The following PLCB4 variants were observed in gnomAD, a reference collection of about 807,000 sequenced individuals.
PLCB4 encodes the protein phospholipase C beta 4, also known as 1-phosphatidylinositol 4,5-bisphosphate phosphodiesterase beta-4.
In PLCB4, 77 loss-of-function variants were observed where a neutral mutation model predicts 178.8. The observed-to-expected ratio is 0.43, with a 90% CI of 0.36 to 0.52. The LOEUF (loss-of-function observed/expected upper bound fraction) is 0.52, where lower values mean the gene tolerates loss of function less well. PLCB4 is among the 20% of genes least tolerant of loss of function. The pLI is 0.00. For synonymous variants in PLCB4, 496 were observed against 490.8 expected, an observed-to-expected ratio of 1.01 and a Z score of -0.14; for missense variants, 1,024 against 1,453.4, an observed-to-expected ratio of 0.70 and a Z score of 4.80.
At chr20:9,206,162 G>GT (rs572197963) in intron 2 of PLCB4, among the ~76,000 whole-genome samples, 139 of 152,168 alleles carry the variant, frequency 9.1e-4, no homozygotes, top group African/African-American at 3.0e-3. Flanking sequence ...GTTAAATGGT[G>GT]TATTTTGTTC....
At chr20:9,244,998 TG>T (rs1291573291) in intron 3 of PLCB4, among the ~76,000 whole-genome samples, 1 of 152,154 alleles carries the variant, frequency 6.6e-6, no homozygotes, top group African/African-American at 2.4e-5. Flanking sequence ...GGTGGCTGTC[TG>T]GGCAAGAGCA....
At chr20:9,076,676 T>A (rs1038194069) in intron 1 of PLCB4, among the ~76,000 whole-genome samples, 1 of 152,132 alleles carries the variant, frequency 6.6e-6, no homozygotes, top group Non-Finnish European at 1.5e-5. Context: ...CAAGATGCAG[T>A]CCGCTTAACA....
chr20:9,266,868 ATTAAG>A (rs1337945245), intron 3 of PLCB4, among the ~76,000 whole-genome samples: 8 of 152,292 alleles, frequency 5.3e-5, no homozygotes, highest in African/African-American at 9.6e-5. Context: ...CAAATTATAA[ATTAAG>A]TTAACATTAA....
At chr20:9,285,227 A>G (rs1159594911) in intron 3 of PLCB4, among the ~76,000 whole-genome samples, 2 of 151,910 alleles carry the variant, frequency 1.3e-5, no homozygotes, top group African/African-American at 2.4e-5. Context: ...GTCAGTTTAT[A>G]ATGGCATTAT....
chr20:9,138,061 G>T (rs549212841), intron 2 of PLCB4, among the ~76,000 whole-genome samples: 48 of 152,224 alleles, frequency 3.2e-4, no homozygotes, highest in Middle Eastern at 3.4e-3. Context: ...AGGCAGAGAG[G>T]TTAGTGAATG....
intron 13 of PLCB4, among the ~76,000 whole-genome samples, chr20:9,382,584 C>T (rs2037236589): frequency 6.6e-6 from 1 of 152,168 alleles, no homozygotes; most frequent in Non-Finnish European, 1.5e-5. Flanking sequence ...GCATCAAGGT[C>T]TTTGCACTTG....
At chr20:9,466,774 AAAC>A (rs1209561987) in intron 35 of PLCB4, among the ~76,000 whole-genome samples, 1 of 152,168 alleles carries the variant, frequency 6.6e-6, no homozygotes, top group Non-Finnish European at 1.5e-5. Context: ...AAAAGTCAGG[AAAC>A]AACAGATGCT....
chr20:9,182,561 TCTC>T (rs1273893843), intron 2 of PLCB4, among the ~76,000 whole-genome samples: 1 of 152,156 alleles, frequency 6.6e-6, no homozygotes, highest in African/African-American at 2.4e-5. Context: ...TTTACAGACT[TCTC>T]CTCAACAAAT....
intron 2 of PLCB4, among the ~76,000 whole-genome samples, chr20:9,164,961 G>T (rs996182238): frequency 2.0e-5 from 3 of 152,144 alleles, no homozygotes; most frequent in African/African-American, 7.2e-5. Flanking sequence ...AAAAGTGGTT[G>T]AAATGTGCAC....
At chr20:9,293,669 C>T (rs2094603967) in intron 3 of PLCB4, among the ~76,000 whole-genome samples, 1 of 126,268 alleles carries the variant, frequency 7.9e-6, no homozygotes, top group Non-Finnish European at 1.8e-5. Flanking sequence ...CTGCTATATG[C>T]TGGACACTAT....
intron 2 of PLCB4, among the ~76,000 whole-genome samples, chr20:9,145,285 A>C (rs1281839022): frequency 2.0e-5 from 3 of 152,110 alleles, no homozygotes; most frequent in Non-Finnish European, 4.4e-5. Flanking sequence ...CTTGGAGTGA[A>C]TCCTTCACTC....
rs57434661 is a variant in PLCB4, at chr20:9,409,333, T to TA, written c.1999+165dup. On this transcript the variant is annotated intron_variant, in intron 24 of 39. Transcript: ENST00000378473. ...ATTGGATTTATATAATGGTGAGAAA[T>TA]AAAAAAAAAAAAACCAAAATAGAGC... 0.18 allele frequency: 65,286 copies of TA among 368,602 alleles called. 1,856 individuals are homozygous for TA. Among genetic ancestry groups the TA allele is most frequent in the African/African-American group, 0.3 (13,421 of 45,018 alleles). 22.8% of individuals were successfully genotyped at this position (368,602 alleles called of 1,614,324 possible).
chr20:9,408,282 T>C (rs901689123), intron 22 of PLCB4, among the ~76,000 whole-genome samples: 4 of 152,206 alleles, frequency 2.6e-5, no homozygotes, highest in African/African-American at 9.7e-5. Context: ...ACTATGGATT[T>C]GTTAGTGCTG....
intron 2 of PLCB4, among the ~76,000 whole-genome samples, chr20:9,137,687 T>C (rs2146851221): frequency 6.6e-6 from 1 of 152,210 alleles, no homozygotes; most frequent in South Asian, 2.1e-4. Context: ...GTAAGTATTT[T>C]CCCCTTAATT....
At chr20:9,353,695 C>T (rs896068313) in intron 7 of PLCB4, among the ~76,000 whole-genome samples, 4 of 152,186 alleles carry the variant, frequency 2.6e-5, no homozygotes, top group Admixed American at 6.5e-5. Context: ...CAGACCTGGA[C>T]CAAATGCTGT....
At chr20:9,437,188 C>G in intron 30 of PLCB4, 36 bp downstream of exon 30, 1 of 1,586,870 alleles carries the variant, frequency 6.3e-7, no homozygotes. Context: ...ATCTTCTGCA[C>G]CCACCTTAAT....
chr20:9,444,272 G>T, intron 32 of PLCB4, 29 bp downstream of exon 32: 1 of 1,341,090 alleles, frequency 7.5e-7, no homozygotes, highest in Non-Finnish European at 1.1e-6. Context: ...ACTATTTTGT[G>T]TTATGTATGG....
In PLCB4 at chr20:9,310,521, T is replaced by C. The variant is rs377173186; in HGVS notation, c.84+2623T>C. Reference sequence around the variant, plus strand: ...GTCAGGAGATTGAGACCATTCTGGCTAACACAGTGAAACCCCATTTCTACT... The same window carrying C: ...GTCAGGAGATTGAGACCATTCTGGCCAACACAGTGAAACCCCATTTCTACT... On this transcript the variant is annotated intron_variant, in intron 4 of 39. Coordinates refer to ENST00000378473, the MANE Select transcript of PLCB4 (RefSeq NM_001377142.1). 6.0e-4 allele frequency among the ~76,000 whole-genome samples: 91 copies of C among 151,988 alleles called. 2 individuals are homozygous for C. In the South Asian group the frequency reaches 0.018, roughly 30 times the overall value.
At chr20:9,345,962 TA>T (rs34444362) in intron 7 of PLCB4, among the ~76,000 whole-genome samples, 5 of 149,380 alleles carry the variant, frequency 3.3e-5, no homozygotes, top group Non-Finnish European at 4.5e-5. Flanking sequence ...TTTGTTTCAC[TA>T]AAAAAAAAAT....
Sources: allele counts gnomAD v4.1 joint callset (sites outside exome capture counted in the v4.1 genomes callset), GRCh38; gene constraint gnomAD v4.1.1; transcripts MANE v1.5; gene names NCBI Gene and HGNC (gene_info 2026-07-23, HGNC 2026-07-21).